ABTB2: variants seen among roughly 807,000 people sequenced by gnomAD.
ABTB2 encodes the protein ankyrin repeat and BTB/POZ domain-containing protein 2.
Under a neutral mutation model 104.1 loss-of-function variants are expected in ABTB2, and 56 were observed. The observed-to-expected ratio is 0.54, with a 90% CI of 0.43 to 0.67. The LOEUF (loss-of-function observed/expected upper bound fraction) is 0.67, where lower values mean the gene tolerates loss of function less well. Ranked by LOEUF, ABTB2 falls within the 30% of genes least tolerant of loss-of-function variation. The pLI is 0.00. For synonymous variants in ABTB2, 606 were observed against 608.2 expected (o/e 1.00, Z 0.05); for missense variants, 1,279 against 1,407.7 (o/e 0.91, Z 1.46).
At chr11:34,200,477 G>A (rs1046040429) in intron 2 of ABTB2, among the ~76,000 whole-genome samples, 1 of 152,188 alleles carries the variant, frequency 6.6e-6, no homozygotes, top group Non-Finnish European at 1.5e-5. Flanking sequence ...GCTATGGTCA[G>A]TTTCTCTCAG....
chr11:34,161,189 C>T, intron 10 of ABTB2, 108 bp from the exon 11 acceptor site: 2 of 1,200,518 alleles, frequency 1.7e-6, no homozygotes, highest in South Asian at 1.6e-5. Context: ...CCGCTGTCTG[C>T]AGAGCACCCC....
At chr11:34,198,958 G>A (rs1345418965) in intron 2 of ABTB2, among the ~76,000 whole-genome samples, 3 of 152,160 alleles carry the variant, frequency 2.0e-5, no homozygotes, top group East Asian at 1.9e-4. Context: ...TAATTTGGCC[G>A]GTGAAGTGCC....
intron 3 of ABTB2, among the ~76,000 whole-genome samples, chr11:34,177,358 C>T (rs1421062338): frequency 6.6e-6 from 1 of 152,184 alleles, no homozygotes; most frequent in Non-Finnish European, 1.5e-5. Context: ...CTCATTCAGC[C>T]CTCACTTTAC....
intron 3 of ABTB2, among the ~76,000 whole-genome samples, chr11:34,180,350 C>T (rs1437543981): frequency 6.6e-6 from 1 of 152,232 alleles, no homozygotes; most frequent in Non-Finnish European, 1.5e-5. Flanking sequence ...GGAACACAGA[C>T]CCAGAGGCCT....
intron 3 of ABTB2, among the ~76,000 whole-genome samples, chr11:34,176,087 C>A (rs1365163635): frequency 6.6e-6 from 1 of 152,042 alleles, no homozygotes; most frequent in Non-Finnish European, 1.5e-5. Context: ...CGAGACCAGC[C>A]TGCCCAATAT....
intron 14 of ABTB2, among the ~76,000 whole-genome samples, chr11:34,157,216 G>C (rs980980626): frequency 6.6e-6 from 1 of 152,208 alleles, no homozygotes; most frequent in Non-Finnish European, 1.5e-5. Flanking sequence ...ATGATGCCCT[G>C]GATATGGCAA....
intron 1 of ABTB2, among the ~76,000 whole-genome samples, chr11:34,297,679 T>C (rs1394354847): frequency 6.7e-6 from 1 of 149,910 alleles, no homozygotes; most frequent in Non-Finnish European, 1.5e-5. Context: ...GGCAGAAGAA[T>C]TGCTTGAACC....
At chr11:34,287,413 A>C (rs1038832957) in intron 1 of ABTB2, among the ~76,000 whole-genome samples, 1 of 152,054 alleles carries the variant, frequency 6.6e-6, no homozygotes, top group Non-Finnish European at 1.5e-5. Context: ...ACAAAAATTA[A>C]TGATGTGCGC....
At chr11:34,319,883 G>A (rs1854980820) in intron 1 of ABTB2, among the ~76,000 whole-genome samples, 1 of 152,084 alleles carries the variant, frequency 6.6e-6, no homozygotes, top group African/African-American at 2.4e-5. Flanking sequence ...GGCCAGGCTG[G>A]TCTCGAACTC....
chr11:34,190,655 T>G (rs1853163844), intron 3 of ABTB2, among the ~76,000 whole-genome samples: 1 of 152,218 alleles, frequency 6.6e-6, no homozygotes, highest in Non-Finnish European at 1.5e-5. Flanking sequence ...ATGCTGGTAG[T>G]AGCAGTAATC....
intron 3 of ABTB2, among the ~76,000 whole-genome samples, chr11:34,194,760 A>G: frequency 7.4e-6 from 1 of 134,992 alleles, no homozygotes; most frequent in Non-Finnish European, 1.5e-5. Context: ...TTTCTGTGTC[A>G]TAACTTAAAA....
intron 3 of ABTB2, among the ~76,000 whole-genome samples, chr11:34,184,949 C>T (rs1590210394): frequency 6.6e-6 from 1 of 152,244 alleles, no homozygotes; most frequent in South Asian, 2.1e-4. Context: ...ATACCTCCCT[C>T]CCGAGGGCAC....
At position 34,205,696 on chromosome 11, in the gene ABTB2, C is replaced by T. The variant is rs528735392; in HGVS notation, c.884-1006G>A. The stretch of plus-strand genomic sequence containing the variant: ...ATTCCTAGAGATAACTGGAGAGCAC[C>T]GGGATGTGGCCAAGTCTGGGTTAGA... On this transcript the variant is annotated intron_variant, in intron 1 of 16. Coordinates refer to ENST00000435224, the MANE Select transcript of ABTB2 (RefSeq NM_145804.3). Among the ~76,000 whole-genome samples, 69 of 152,084 alleles carry T rather than the reference C, an allele frequency of 4.5e-4. 1 individual carries two copies. The highest frequency in any genetic ancestry group is 7.5e-4 in the Non-Finnish European group (51 of 68,000).
chr11:34,160,772 C>CGTGTGA (rs1236469337), intron 11 of ABTB2, 131 bp downstream of exon 11: 12 of 954,072 alleles, frequency 1.3e-5, no homozygotes, highest in Non-Finnish European at 1.8e-5. Flanking sequence ...TGAGGGCAGG[C>CGTGTGA]GTGTGAGTGT....
At chr11:34,184,693 G>A (rs2133027218) in intron 3 of ABTB2, among the ~76,000 whole-genome samples, 1 of 152,388 alleles carries the variant, frequency 6.6e-6, no homozygotes, top group African/African-American at 2.4e-5. Context: ...AGCTGGTCCA[G>A]CAGGCCTGGG....
At chr11:34,257,063 T>C (rs796116998) in intron 1 of ABTB2, among the ~76,000 whole-genome samples, 2 of 152,348 alleles carry the variant, frequency 1.3e-5, no homozygotes, top group African/African-American at 4.8e-5. Context: ...ATTAAAGTTC[T>C]GAATATACAG....
intron 10 of ABTB2, 25 bp downstream of exon 10, chr11:34,162,551 G>A (rs1182099451): frequency 6.2e-7 from 1 of 1,603,800 alleles, no homozygotes; most frequent in African/African-American, 1.3e-5. Context: ...CATGGACATG[G>A]GTGTGCATGC....
At chr11:34,198,451 C>CAA (rs11398663) in intron 2 of ABTB2, among the ~76,000 whole-genome samples, 114 of 129,360 alleles carry the variant, frequency 8.8e-4, no homozygotes, top group Middle Eastern at 3.8e-3. Context: ...CAAACAACAA[C>CAA]AACAAAAAAA....
intron 1 of ABTB2, among the ~76,000 whole-genome samples, chr11:34,339,497 G>A (rs1301222048): frequency 2.6e-5 from 4 of 152,204 alleles, no homozygotes; most frequent in Non-Finnish European, 5.9e-5. Flanking sequence ...CAGTGCCAGA[G>A]AAGCCTCACA....
Sources: allele counts gnomAD v4.1 joint callset (sites outside exome capture counted in the v4.1 genomes callset), GRCh38; gene constraint gnomAD v4.1.1; transcripts MANE v1.5; gene names NCBI Gene and HGNC (gene_info 2026-07-23, HGNC 2026-07-21).